Variants in SLC25A25 observed in about 807,000 individuals in gnomAD.
SLC25A25 encodes the protein solute carrier family 25 member 25.
SLC25A25 carries 32 observed loss-of-function variants against 57.7 expected under a neutral mutation model. The ratio of observed to expected loss-of-function variants is 0.55; its 90% CI spans 0.42 to 0.74. SLC25A25 has a LOEUF of 0.74. SLC25A25 is among the 30% of genes least tolerant of loss of function. The pLI is 0.00. For missense variants in SLC25A25, 556 were observed against 701.3 expected, an observed-to-expected ratio of 0.79 and a Z score of 2.34; for synonymous variants, 306 against 291.2, an observed-to-expected ratio of 1.05 and a Z score of -0.52.
chr9:128,068,254 C>T lies in SLC25A25; in HGVS notation c.-66C>T, dbSNP rs879808333. The stretch of plus-strand genomic sequence containing the variant: ...GCTGCAGAGCGCCTGGCTTGCCTCC[C>T]GCGCGGTCACCGCCGGCCCGCCGCC... On this transcript the variant is annotated 5_prime_UTR_variant, in exon 1 of 11. Transcript: ENST00000373069. 5.1e-6 allele frequency: 5 copies of T among 970,898 alleles called. No individual in the cohort carries two copies. The highest frequency in any genetic ancestry group is 3.5e-5 in the East Asian group (1 of 28,796). 60.1% of individuals were successfully genotyped at this position (970,898 alleles called of 1,614,324 possible).
intron 1 of SLC25A25, chr9:128,091,560 T>TAA (rs1564185351): frequency 1.5e-5 from 14 of 950,458 alleles, no homozygotes; most frequent in African/African-American, 1.0e-4. Context: ...TTTTTTTTTT[T>TAA]TAAAAAAAAG....
At chr9:128,092,162 T>C in intron 1 of SLC25A25, 2 of 1,545,396 alleles carry the variant, frequency 1.3e-6, no homozygotes, top group Admixed American at 1.9e-5. Context: ...AAAAAACGAG[T>C]GTGGGGAGGA....
intron 1 of SLC25A25, among the ~76,000 whole-genome samples, chr9:128,071,583 T>TG (rs56408033): frequency 1.3e-5 from 2 of 150,234 alleles, no homozygotes; most frequent in Admixed American, 6.6e-5. Flanking sequence ...TTTTTTTTTT[T>TG]GTATTTTTAG....
At position 128,101,291 on chromosome 9, in the gene SLC25A25, C is replaced by A. The variant is rs186780570; in HGVS notation, c.389-18C>A. ...TCCCCGTGCGCCTGGCTCCTGCTCACGGCCTCTGTTCTTGCAGGACGCATT... is the reference window on the plus strand; with the variant it reads ...TCCCCGTGCGCCTGGCTCCTGCTCAAGGCCTCTGTTCTTGCAGGACGCATT... On this transcript the variant is annotated intron_variant, in intron 2 of 10. Transcript: ENST00000373069. This position sits in a 1 kb window ranked among gnomAD's most constrained non-coding sequence, Gnocchi z 4.9. 3 of 1,614,218 alleles carry A rather than the reference C, an allele frequency of 1.9e-6. No individual in the cohort carries two copies. Among genetic ancestry groups the A allele is most frequent in the Non-Finnish European group, 2.5e-6 (3 of 1,180,022 alleles).
intron 1 of SLC25A25, among the ~76,000 whole-genome samples, chr9:128,081,674 C>T (rs1249557342): frequency 6.6e-6 from 1 of 152,036 alleles, no homozygotes; most frequent in East Asian, 1.9e-4. Context: ...CATGCCTGTA[C>T]TCCCAGCACT....
rs59794334 is a variant in SLC25A25 at position 128,091,561 on chromosome 9, T to TAAAAA, written c.262-9531_262-9527dup. On this transcript the variant is annotated intron_variant, in intron 1 of 10. Transcript: ENST00000373069. ...TTTTCCTTTTCTTTTTTTTTTTTTT[T>TAAAAA]AAAAAAAAGCCAAACGTTTGCTCAC... The TAAAAA allele has an allele frequency of 5.5e-3, 5,273 of 955,804 alleles. 85 individuals carry two copies. In the African/African-American group the frequency reaches 0.065, roughly 12 times the overall value. The allele number at this position is 955,804 out of a possible 1,614,324, so 59.2% of individuals were successfully genotyped here.
In SLC25A25 at chr9:128,099,466, T is replaced by G. The variant is rs1359161360; in HGVS notation, c.262-1630T>G. 3.6e-6 allele frequency: 4 copies of G among 1,109,050 alleles called. No individual in the cohort carries two copies. The East Asian group carries it at 3.7e-4, about 103-fold the overall frequency. 68.7% of individuals were successfully genotyped at this position (1,109,050 alleles called of 1,614,324 possible). ...GTGGCTCACCCTGGCAGCAGGCGGC[T>G]GGGTCCCAGAGGGCTCCATGCCTGA... On this transcript the variant is annotated intron_variant, in intron 1 of 10. Transcript: ENST00000373069. This position sits in a 1 kb window ranked among gnomAD's most constrained non-coding sequence, Gnocchi z 6.8.
chr9:128,102,072 T>C lies in SLC25A25; in HGVS notation c.477-8T>C. On this transcript the variant is annotated splice_region_variant and splice_polypyrimidine_tract_variant and intron_variant, in intron 3 of 10. Transcript: ENST00000373069. This position sits in a 1 kb window ranked among gnomAD's most constrained non-coding sequence, Gnocchi z 4.1. Reference sequence around the variant, plus strand: ...CTCTCTCCTCCGCATCCTTTGTCTGTCTGTCAGAATACGAACGGGCCATTT... The same window carrying C: ...CTCTCTCCTCCGCATCCTTTGTCTGCCTGTCAGAATACGAACGGGCCATTT... The C allele has an allele frequency of 6.4e-7, 1 of 1,550,596 alleles. No individual in the cohort carries two copies. Among genetic ancestry groups the C allele is most frequent in the African/African-American group, 1.4e-5 (1 of 73,160 alleles).
chr9:128,075,086 A>C (rs1832981490), intron 1 of SLC25A25, among the ~76,000 whole-genome samples: 1 of 152,194 alleles, frequency 6.6e-6, no homozygotes, highest in Non-Finnish European at 1.5e-5. Flanking sequence ...GCAGTGAGCC[A>C]AGATCACGCC....
chr9:128,077,094 C>A (rs1274401636), intron 1 of SLC25A25, among the ~76,000 whole-genome samples: 1 of 152,212 alleles, frequency 6.6e-6, no homozygotes, highest in Non-Finnish European at 1.5e-5. Context: ...TTCCTATAAT[C>A]TCTGCTGCTG....
In SLC25A25 at chr9:128,107,031, G is replaced by T. The variant is rs527757590; in HGVS notation, c.1215G>T (p.Thr405=). The T allele has an allele frequency of 6.2e-7, 1 of 1,613,660 alleles. No individual in the cohort carries two copies. The highest frequency in any genetic ancestry group is 8.5e-7 in the Non-Finnish European group (1 of 1,179,728). ...CCCATGCTCCCTTCTCCTTCTAGAC[G>T]CTCAAGAATGCCTGGCTGCAGCACT... ...YAGIDLAVYE[T]LKNAWLQHYA... Residue 405 remains threonine (T), a splice_region_variant and synonymous_variant, in exon 10 of 11, where the codon ACG becomes ACT. Transcript: ENST00000373069.
At chr9:128,104,201 GC>G (rs1454173478) in intron 6 of SLC25A25, among the ~76,000 whole-genome samples, 1 of 152,194 alleles carries the variant, frequency 6.6e-6, no homozygotes, top group Non-Finnish European at 1.5e-5. Context: ...GGGAAGCCAC[GC>G]CATTACCTTG....
chr9:128,103,448 G>A lies in SLC25A25; in HGVS notation c.625-233G>A, dbSNP rs1179008229. 6.6e-6 allele frequency among the ~76,000 whole-genome samples: 1 copy of A among 152,216 alleles called. No individual in the cohort carries two copies. The highest frequency in any genetic ancestry group is 2.4e-5 in the African/African-American group (1 of 41,452). On this transcript the variant is annotated intron_variant, in intron 5 of 10. Coordinates refer to ENST00000373069, the MANE Select transcript of SLC25A25 (RefSeq NM_001330988.2). This position sits in a 1 kb window ranked among gnomAD's most constrained non-coding sequence, Gnocchi z 6.7. ...GTTTTCTAACCGGCACCTCCCGGCTGTGTTCAGCTGAGGTTCTATACCTGT... is the reference window on the plus strand; with the variant it reads ...GTTTTCTAACCGGCACCTCCCGGCTATGTTCAGCTGAGGTTCTATACCTGT...
intron 1 of SLC25A25, among the ~76,000 whole-genome samples, chr9:128,083,851 G>A (rs1034428201): frequency 6.6e-6 from 1 of 152,092 alleles, no homozygotes; most frequent in Non-Finnish European, 1.5e-5. Flanking sequence ...GTACTAGGCA[G>A]TTAAGCAAGG....
Position 128,103,936 on chromosome 9 carries a change from T to C in SLC25A25, c.783+97T>C, listed in dbSNP as rs1169584984. 1.1e-5 allele frequency: 15 copies of C among 1,336,410 alleles called. No individual in the cohort carries two copies. The highest frequency in any genetic ancestry group is 1.2e-5 in the Non-Finnish European group (12 of 1,006,936). 82.8% of individuals were successfully genotyped at this position (1,336,410 alleles called of 1,614,324 possible). On this transcript the variant is annotated intron_variant, in intron 6 of 10. Coordinates refer to ENST00000373069, the MANE Select transcript of SLC25A25 (RefSeq NM_001330988.2). The surrounding 1 kb of genome is among the most constrained non-coding windows in gnomAD (Gnocchi z 6.7). ...CCCTTTCTCTGGCTGGTGCCTGCTT[T>C]GGGCCCAAACTTTTCTAACCCAATA...
intron 1 of SLC25A25, chr9:128,098,745 G>C: frequency 6.2e-7 from 1 of 1,612,350 alleles, no homozygotes; most frequent in Non-Finnish European, 8.5e-7. Context: ...GTGACCGCGC[G>C]GAAGGGAGAG....
chr9:128,092,101 C>T (rs765394809), intron 1 of SLC25A25: 45 of 1,609,886 alleles, frequency 2.8e-5, no homozygotes, highest in African/African-American at 5.4e-5. Context: ...TAATGTTGGC[C>T]TCAAGAGGAC....
chr9:128,103,161 G>A lies in SLC25A25; in HGVS notation c.625-520G>A, dbSNP rs962765521. ...GTGGGAGTAGCTGGCCCAGAGCTCT[G>A]GCCTTTAGCCCTGGGATCAGAGCAG... On this transcript the variant is annotated intron_variant, in intron 5 of 10. Coordinates refer to ENST00000373069, the MANE Select transcript of SLC25A25 (RefSeq NM_001330988.2). This position sits in a 1 kb window ranked among gnomAD's most constrained non-coding sequence, Gnocchi z 6.7. Among the ~76,000 whole-genome samples the A allele has an allele frequency of 6.6e-6, 1 of 152,174 alleles. No individual in the cohort carries two copies. Among genetic ancestry groups the A allele is most frequent in the Non-Finnish European group, 1.5e-5 (1 of 68,028 alleles).
intron 1 of SLC25A25, among the ~76,000 whole-genome samples, chr9:128,079,724 G>A (rs1833103925): frequency 1.3e-5 from 2 of 151,440 alleles, no homozygotes; most frequent in South Asian, 2.1e-4. Flanking sequence ...CAGGCGCGGT[G>A]GCTCACGCCT....
Sources: allele counts gnomAD v4.1 joint callset (sites outside exome capture counted in the v4.1 genomes callset), GRCh38; gene constraint gnomAD v4.1.1; non-coding constraint Gnocchi (gnomAD v3.1); transcripts MANE v1.5; gene names NCBI Gene and HGNC (gene_info 2026-07-23, HGNC 2026-07-21).